Variants in BLK observed in about 807,000 individuals in gnomAD.
The protein encoded by BLK is BLK proto-oncogene, Src family tyrosine kinase.
BLK carries 64 observed loss-of-function variants against 61.8 expected under a neutral mutation model. The observed-to-expected ratio is 1.03, with a 90% confidence interval of 0.85 to 1.27. The LOEUF is 1.27. Among genes scored for constraint, BLK ranks in the 50% most tolerant of loss-of-function variants. The pLI, the probability that BLK is intolerant of heterozygous loss-of-function variation, is 0.00. For synonymous variants in BLK, 351 were observed against 272.0 expected, an observed-to-expected ratio of 1.29 and a Z score of -2.86; for missense variants, 853 against 660.5, an observed-to-expected ratio of 1.29 and a Z score of -3.19.
intron 1 of BLK, among the ~76,000 whole-genome samples, chr8:11,537,012 A>G (rs1800160428): frequency 1.3e-5 from 2 of 152,124 alleles, no homozygotes; most frequent in African/African-American, 4.8e-5. Flanking sequence ...ACAGCAACTG[A>G]ATGTCTGTGG....
Position 11,554,905 on chromosome 8 carries a change from C to T in BLK, c.619+16C>T, listed in dbSNP as rs1801124395. The stretch of plus-strand genomic sequence containing the variant: ...CACTATTCTAGTAAGAGGGGGCGTG[C>T]AATGGGGGCAGGGACTTGTGCCAAG... On this transcript the variant is annotated intron_variant, in intron 7 of 12. Transcript: ENST00000259089. 5.6e-6 allele frequency: 9 copies of T among 1,610,136 alleles called. No individual in the cohort carries two copies. Among genetic ancestry groups the T allele is most frequent in the Non-Finnish European group, 5.9e-6 (7 of 1,179,756 alleles).
chr8:11,537,598 A>G (rs147683771), intron 1 of BLK, among the ~76,000 whole-genome samples: 140 of 152,320 alleles, frequency 9.2e-4, no homozygotes, highest in Middle Eastern at 3.4e-3. Context: ...GGGCTCAAGC[A>G]GCCCTGGAGA....
At position 11,554,643 on chromosome 8, in the gene BLK, T is replaced by C; in HGVS notation, c.473-100T>C. The C allele has an allele frequency of 2.1e-6, 3 of 1,427,988 alleles. No individual in the cohort carries two copies. The South Asian group carries it at 3.5e-5, about 17-fold the overall frequency. 88.5% of individuals were successfully genotyped at this position (1,427,988 alleles called of 1,614,324 possible). ...GAGTGCTGATAATGAAGAACAGAATTGGGGAACTTTTTTCAAAGCTTTAAA... is the reference window on the plus strand; with the variant it reads ...GAGTGCTGATAATGAAGAACAGAATCGGGGAACTTTTTTCAAAGCTTTAAA... On this transcript the variant is annotated intron_variant, in intron 6 of 12. Transcript: ENST00000259089.
At chr8:11,556,351 T>A in intron 8 of BLK, 2 of 433,670 alleles carry the variant, frequency 4.6e-6, no homozygotes. Flanking sequence ...AGACTCATTA[T>A]GTAGGGGAGG....
chr8:11,514,359 C>T (rs1361929834), intron 1 of BLK, among the ~76,000 whole-genome samples: 1 of 152,222 alleles, frequency 6.6e-6, no homozygotes, highest in Non-Finnish European at 1.5e-5. Context: ...GTCTTAGTCC[C>T]ATCCTAAAGG....
rs1282558324 is a variant in BLK, at chr8:11,556,857, CG to C, written c.952+21del. Reference sequence around the variant, plus strand: ...CCAGAGGTGGTGCCCCCCGCAGAGCCGCATCCTCAGAGCGAGGCGGGAGGGC... The same window carrying C: ...CCAGAGGTGGTGCCCCCCGCAGAGCCCATCCTCAGAGCGAGGCGGGAGGGC... On this transcript the variant is annotated intron_variant, in intron 9 of 12. Transcript: ENST00000259089. 2.5e-6 allele frequency: 4 copies of C among 1,612,484 alleles called. No homozygotes were observed. The highest frequency in any genetic ancestry group is 3.4e-6 in the Non-Finnish European group (4 of 1,179,170).
chr8:11,550,174 A>G lies in BLK; in HGVS notation c.384A>G (p.Ser128=). ...CGTTTTCCAGGTGGTTCTTTAGATC[A>G]CAGGGTCGGAAGGAGGCTGAGAGGC... is the stretch of plus-strand genomic sequence containing the variant. ...SLEMERWFFR[S]QGRKEAERQL... is the part of the protein sequence containing the mutation. Residue 128 remains serine, a synonymous_variant, in exon 6 of 13, where the codon TCA becomes TCG. Transcript: ENST00000259089. The G allele has an allele frequency of 6.2e-7, 1 of 1,614,162 alleles. No individual in the cohort carries two copies. The highest frequency in any genetic ancestry group is 1.3e-5 in the African/African-American group (1 of 75,054).
chr8:11,559,002 G>T (rs1319764686), intron 10 of BLK: 15 of 456,144 alleles, frequency 3.3e-5, no homozygotes, highest in Non-Finnish European at 6.6e-5. Flanking sequence ...TTTGGAAAAT[G>T]AGTGCTGGTA....
chr8:11,558,492 G>T, intron 10 of BLK: 1 of 369,780 alleles, frequency 2.7e-6, no homozygotes, highest in East Asian at 7.2e-5. Context: ...CAGCCCTGGC[G>T]TCGACCCCAG....
intron 1 of BLK, among the ~76,000 whole-genome samples, chr8:11,519,520 A>T (rs577004380): frequency 1.3e-5 from 2 of 152,242 alleles, no homozygotes; most frequent in African/African-American, 4.8e-5. Flanking sequence ...GAATGACATT[A>T]AAAAGGTTTA....
chr8:11,539,884 A>G (rs1015379462), intron 1 of BLK, among the ~76,000 whole-genome samples: 4 of 152,196 alleles, frequency 2.6e-5, no homozygotes, highest in African/African-American at 4.8e-5. Flanking sequence ...TTTCTATTGA[A>G]TGAATTATAT....
At chr8:11,499,494 T>C (rs1798479095) in intron 1 of BLK, among the ~76,000 whole-genome samples, 2 of 152,056 alleles carry the variant, frequency 1.3e-5, no homozygotes, top group Admixed American at 1.3e-4. Context: ...ATTTCCTGAG[T>C]CAGATGTGGG....
intron 10 of BLK, 165 bp from the exon 11 acceptor site, chr8:11,561,135 GGA>G (rs1401338304): frequency 6.0e-6 from 6 of 995,298 alleles, no homozygotes; most frequent in East Asian, 2.6e-5. Context: ...TGGGCTTCTA[GGA>G]GAGGAGTTTA....
chr8:11,539,085 T>G (rs1800261878), intron 1 of BLK, among the ~76,000 whole-genome samples: 1 of 152,052 alleles, frequency 6.6e-6, no homozygotes, highest in South Asian at 2.1e-4. Context: ...GTTTTTTTTT[T>G]GTTTTGTTTT....
chr8:11,535,321 AAAGAG>A (rs1463182161), intron 1 of BLK, among the ~76,000 whole-genome samples: 1 of 116,824 alleles, frequency 8.6e-6, no homozygotes, highest in Non-Finnish European at 2.0e-5. Flanking sequence ...AGAAAGAAAG[AAAGAG>A]AAGGAAAAGG....
chr8:11,539,558 C>T (rs1012908516), intron 1 of BLK, among the ~76,000 whole-genome samples: 7 of 152,112 alleles, frequency 4.6e-5, no homozygotes, highest in Non-Finnish European at 1.0e-4. Flanking sequence ...CAGAGTGGGA[C>T]TGAAAATCAA....
At chr8:11,522,675 TA>T (rs539018189) in intron 1 of BLK, among the ~76,000 whole-genome samples, 1,883 of 115,032 alleles carry the variant, frequency 0.016, 9 homozygotes, top group Middle Eastern at 0.031. Context: ...AAGGATACAG[TA>T]AAAAAAAAAA....
Position 11,555,395 on chromosome 8 carries a change from C to T in BLK, c.683C>T (p.Pro228Leu). Residue 228 changes from proline to leucine, a missense_variant, in exon 8 of 13, where the codon CCC becomes CTC. Transcript: ENST00000259089. ...TGTGTGCGCCCGGCCCCGCAGAATC[C>T]CTGGGCCCAGGATGAATGGGAGATC... ...LPCVRPAPQN[P>L]WAQDEWEIPR... The T allele has an allele frequency of 6.2e-7, 1 of 1,614,152 alleles. No individual in the cohort carries two copies.
intron 10 of BLK, chr8:11,559,900 C>T: frequency 2.2e-6 from 1 of 454,514 alleles, no homozygotes; most frequent in Non-Finnish European, 4.4e-6. Flanking sequence ...AAGCACTGTT[C>T]TTGCTCAGCA....
Sources: allele counts gnomAD v4.1 joint callset (sites outside exome capture counted in the v4.1 genomes callset), GRCh38; gene constraint gnomAD v4.1.1; transcripts MANE v1.5; gene names NCBI Gene and HGNC (gene_info 2026-07-23, HGNC 2026-07-21).